Variants in SLC14A2 observed in about 807,000 individuals in gnomAD.
SLC14A2 encodes solute carrier family 14 member 2, also known as urea transporter 2.
SLC14A2 carries 91 observed loss-of-function variants against 104.6 expected under a neutral mutation model. The observed-to-expected ratio is 0.87, with a 90% CI of 0.73 to 1.04. The LOEUF is 1.04. Ranked by LOEUF, SLC14A2 falls within the 50% of genes least tolerant of loss-of-function variation. The probability of loss-of-function intolerance (pLI) is 0.00; values close to 1 mark genes in which losing one functional copy is unlikely to be tolerated. For synonymous variants in SLC14A2, 476 were observed against 466.4 expected, an observed-to-expected ratio of 1.02 and a Z score of -0.27; for missense variants, 1,189 against 1,156.0, an observed-to-expected ratio of 1.03 and a Z score of -0.41.
intron 1 of SLC14A2, among the ~76,000 whole-genome samples, chr18:45,247,184 T>G (rs1311931893): frequency 1.3e-5 from 2 of 152,246 alleles, no homozygotes; most frequent in Non-Finnish European, 2.9e-5. Flanking sequence ...TAAGGCTATT[T>G]CGGCACTGTT....
At chr18:45,588,321 C>T (rs1341615488) in intron 2 of SLC14A2, among the ~76,000 whole-genome samples, 1 of 152,194 alleles carries the variant, frequency 6.6e-6, no homozygotes, top group Non-Finnish European at 1.5e-5. Context: ...GGCAATTGGA[C>T]TGAATGGCCT....
chr18:45,416,088 C>T (rs892595747), intron 1 of SLC14A2, among the ~76,000 whole-genome samples: 6 of 151,936 alleles, frequency 3.9e-5, no homozygotes, highest in African/African-American at 9.7e-5. Flanking sequence ...GTCTTTTTGG[C>T]GTTGAAGAGA....
intron 2 of SLC14A2, among the ~76,000 whole-genome samples, chr18:45,557,464 G>A (rs1432394219): frequency 6.6e-6 from 1 of 152,204 alleles, no homozygotes; most frequent in Non-Finnish European, 1.5e-5. Context: ...CTCAGGTTCT[G>A]TGGCTATGTG....
intron 1 of SLC14A2, among the ~76,000 whole-genome samples, chr18:45,271,902 T>C (rs1244082360): frequency 1.3e-5 from 2 of 152,122 alleles, no homozygotes; most frequent in African/African-American, 4.8e-5. Flanking sequence ...CAAATTATAC[T>C]ACAGAGCTAT....
At position 45,682,661 on chromosome 18, in the gene SLC14A2, C is replaced by T. The variant is rs1364909409; in HGVS notation, c.*142C>T. Reference sequence around the variant, plus strand: ...CACAAAGAAGCGTGTATGTAGTCACCATTCCAGAACCTCTCTTTTCTAAGA... The same window carrying T: ...CACAAAGAAGCGTGTATGTAGTCACTATTCCAGAACCTCTCTTTTCTAAGA... On this transcript the variant is annotated 3_prime_UTR_variant, in exon 20 of 20. Transcript: ENST00000255226. The T allele has an allele frequency of 1.5e-6, 1 of 669,012 alleles. No individual in the cohort carries two copies. The highest frequency in any genetic ancestry group is 2.7e-5 in the East Asian group (1 of 37,552). 41.4% of individuals were successfully genotyped at this position (669,012 alleles called of 1,614,324 possible). A position where few individuals can be genotyped will look rare whatever the true frequency, so the allele number is the denominator to read the frequency against.
In SLC14A2 at chr18:45,292,699, G is replaced by A. The variant is rs1398006844; in HGVS notation, c.-125+79508G>A. 7.2e-5 allele frequency among the ~76,000 whole-genome samples: 11 copies of A among 152,180 alleles called. No homozygotes were observed. The East Asian group carries it at 2.1e-3, about 29-fold the overall frequency. ...CTGCAAACAATGACTTTGAAACCCT[G>A]TTGGTGGTGGGACCGGCTACATTGG... On this transcript the variant is annotated intron_variant, in intron 1 of 20. Coordinates refer to the SLC14A2 transcript ENST00000586448.
chr18:45,360,567 G>A (rs1297828592), intron 1 of SLC14A2, among the ~76,000 whole-genome samples: 1 of 152,210 alleles, frequency 6.6e-6, no homozygotes, highest in East Asian at 1.9e-4. Context: ...TCTCCAGACA[G>A]TCCATGTCTA....
intron 1 of SLC14A2, among the ~76,000 whole-genome samples, chr18:45,310,638 G>T (rs904929474): frequency 2.0e-5 from 3 of 152,248 alleles, no homozygotes; most frequent in Admixed American, 2.0e-4. Context: ...GTTAATGGAG[G>T]CAAGGGACAG....
chr18:45,438,153 A>G (rs974409341), intron 1 of SLC14A2: 13 of 152,228 alleles, frequency 8.5e-5, no homozygotes, highest in African/African-American at 2.7e-4. Flanking sequence ...GTTCTTAACT[A>G]TGGTAGGTAC....
intron 1 of SLC14A2, among the ~76,000 whole-genome samples, chr18:45,240,392 G>T (rs994859857): frequency 2.0e-5 from 3 of 151,972 alleles, no homozygotes; most frequent in Admixed American, 6.6e-5. Context: ...ACCACGCCCG[G>T]CCCAAATATC....
intron 7 of SLC14A2, 110 bp from the exon 8 acceptor site, chr18:45,641,099 T>C (rs1252375111): frequency 2.7e-6 from 3 of 1,108,336 alleles, no homozygotes; most frequent in Admixed American, 4.1e-5. Flanking sequence ...GGTTTGGAGA[T>C]GTGGGGTGAA....
chr18:45,509,585 G>A (rs1300832959), intron 2 of SLC14A2, among the ~76,000 whole-genome samples: 1 of 152,146 alleles, frequency 6.6e-6, no homozygotes, highest in African/African-American at 2.4e-5. Context: ...GGTCATGGAG[G>A]GGACAGGGAA....
In SLC14A2 at chr18:45,270,344, A is replaced by T. The variant is rs375862188; in HGVS notation, c.-125+57153A>T. 9.2e-5 allele frequency among the ~76,000 whole-genome samples: 14 copies of T among 152,268 alleles called. No homozygotes were observed. In the East Asian group the frequency reaches 1.7e-3, roughly 19 times the overall value. The stretch of plus-strand genomic sequence containing the variant: ...TTAAGATATTCTCCTGGGAAAACTC[A>T]ACCCAAGACAGGAAGGCAGGAAAGA... On this transcript the variant is annotated intron_variant, in intron 1 of 20. Transcript: ENST00000586448.
chr18:45,530,997 G>A (rs1490246632), intron 2 of SLC14A2, among the ~76,000 whole-genome samples: 7 of 152,104 alleles, frequency 4.6e-5, no homozygotes, highest in Non-Finnish European at 1.0e-4. Flanking sequence ...ATGGTTTCTA[G>A]CTTCATCCAT....
chr18:45,466,838 C>T (rs952317267), intron 1 of SLC14A2, among the ~76,000 whole-genome samples: 1 of 152,096 alleles, frequency 6.6e-6, no homozygotes, highest in African/African-American at 2.4e-5. Context: ...TTCACTGATT[C>T]CTCCATTCAG....
intron 2 of SLC14A2, among the ~76,000 whole-genome samples, chr18:45,520,038 T>C (rs2043495349): frequency 6.6e-6 from 1 of 152,232 alleles, no homozygotes; most frequent in African/African-American, 2.4e-5. Context: ...TGCTTAGATC[T>C]CTTTGGGCCA....
the SLC14A2 span, among the ~76,000 whole-genome samples, chr18:45,203,739 C>T: frequency 6.6e-6 from 1 of 152,170 alleles, no homozygotes; most frequent in African/African-American, 2.4e-5. Flanking sequence ...TAATCCAACA[C>T]CAATTTAGAT....
At chr18:45,479,271 C>T (rs1479487385) in intron 1 of SLC14A2, among the ~76,000 whole-genome samples, 1 of 152,066 alleles carries the variant, frequency 6.6e-6, no homozygotes, top group Non-Finnish European at 1.5e-5. Context: ...GCACCTAACG[C>T]TATATCTGAC....
chr18:45,447,698 T>C (rs1325928108), intron 1 of SLC14A2: 1 of 152,206 alleles, frequency 6.6e-6, no homozygotes, highest in African/African-American at 2.4e-5. Context: ...ATTTGGAGAT[T>C]CATAATGCAT....
Sources: allele counts gnomAD v4.1 joint callset (sites outside exome capture counted in the v4.1 genomes callset), GRCh38; gene constraint gnomAD v4.1.1; transcripts MANE v1.5; gene names NCBI Gene and HGNC (gene_info 2026-07-23, HGNC 2026-07-21).